USP25: variants seen among roughly 807,000 people sequenced by gnomAD.
The protein encoded by USP25 is ubiquitin specific peptidase 25.
In USP25, 85 loss-of-function variants were observed where a neutral mutation model predicts 158.5. That is an observed-to-expected ratio of 0.54 (90% CI 0.45 to 0.64). USP25 has a LOEUF of 0.64. Ranked by LOEUF, USP25 falls within the 30% of genes least tolerant of loss-of-function variation. The probability of loss-of-function intolerance (pLI) is 0.00; values close to 1 mark genes in which losing one functional copy is unlikely to be tolerated. For missense variants in USP25, 1,242 were observed against 1,327.3 expected (o/e 0.94, Z 1.00); for synonymous variants, 464 against 460.4 (o/e 1.01, Z -0.10).
At chr21:15,871,692 A>G (rs1326678408) in intron 23 of USP25, among the ~76,000 whole-genome samples, 1 of 152,198 alleles carries the variant, frequency 6.6e-6, no homozygotes. Context: ...TAACTTGGAA[A>G]TATGTTTAAA....
intron 4 of USP25, among the ~76,000 whole-genome samples, chr21:15,791,021 A>G (rs2035561126): frequency 6.6e-6 from 1 of 151,928 alleles, no homozygotes; most frequent in African/African-American, 2.4e-5. Context: ...ATTGAAAGGA[A>G]TCATAAAGTT....
At chr21:15,798,656 A>G (rs1039775553) in intron 5 of USP25, among the ~76,000 whole-genome samples, 2 of 151,380 alleles carry the variant, frequency 1.3e-5, no homozygotes, top group Non-Finnish European at 3.0e-5. Flanking sequence ...GAATGAATAG[A>G]TGATTTATTT....
intron 3 of USP25, among the ~76,000 whole-genome samples, chr21:15,767,602 G>T (rs568209450): frequency 6.6e-6 from 1 of 152,008 alleles, no homozygotes; most frequent in East Asian, 1.9e-4. Context: ...TGGTATAAAG[G>T]TCAGAAAAAT....
chr21:15,746,734 T>C (rs2032590817), intron 1 of USP25, among the ~76,000 whole-genome samples: 1 of 152,234 alleles, frequency 6.6e-6, no homozygotes, highest in African/African-American at 2.4e-5. Flanking sequence ...TTTTTGCTGG[T>C]ATATAGAATG....
intron 2 of USP25, among the ~76,000 whole-genome samples, chr21:15,764,650 A>C (rs2033929038): frequency 6.6e-6 from 1 of 152,174 alleles, no homozygotes; most frequent in African/African-American, 2.4e-5. Context: ...GTAATATATG[A>C]AAAACACTTA....
intron 3 of USP25, among the ~76,000 whole-genome samples, chr21:15,772,533 T>C (rs1439836463): frequency 6.6e-6 from 1 of 152,206 alleles, no homozygotes; most frequent in East Asian, 1.9e-4. Context: ...TATGAGAATA[T>C]TAATAATGCT....
At chr21:15,813,489 C>G (rs973977660) in intron 9 of USP25, among the ~76,000 whole-genome samples, 4 of 152,184 alleles carry the variant, frequency 2.6e-5, no homozygotes, top group African/African-American at 9.7e-5. Context: ...TTTACCTGCT[C>G]CTACATATAA....
rs2037504820 is a variant in USP25 at position 15,826,395 on chromosome 21, T to C, written c.1466+30T>C. 1.2e-6 allele frequency: 2 copies of C among 1,610,572 alleles called. No individual in the cohort carries two copies. Among genetic ancestry groups the C allele is most frequent in the Non-Finnish European group, 1.7e-6 (2 of 1,177,740 alleles). ...AAAGTAATCCTGATGCAAGAGACAGTTGTTACCTTTATTACACAATAATGT... is the reference window on the plus strand; with the variant it reads ...AAAGTAATCCTGATGCAAGAGACAGCTGTTACCTTTATTACACAATAATGT... On this transcript the variant is annotated intron_variant, in intron 13 of 25. Transcript: ENST00000400183. This position sits in a 1 kb window ranked among gnomAD's most constrained non-coding sequence, Gnocchi z 4.8.
In USP25 at chr21:15,826,914, A is replaced by G. The variant is rs1448039086; in HGVS notation, c.1467-63A>G. 1 of 1,561,458 alleles carries G rather than the reference A, an allele frequency of 6.4e-7. No homozygotes were observed. ...GCCAATTTAATACTGTGGGTTTGGC[A>G]CGATCTTTGTCAAGAGTTTCAGCTT... On this transcript the variant is annotated intron_variant, in intron 13 of 25. Coordinates refer to ENST00000400183, the MANE Select transcript of USP25 (RefSeq NM_001283041.3). The surrounding 1 kb of genome is among the most constrained non-coding windows in gnomAD (Gnocchi z 4.8).
At chr21:15,812,325 T>C (rs2036707947) in intron 9 of USP25, among the ~76,000 whole-genome samples, 2 of 152,122 alleles carry the variant, frequency 1.3e-5, no homozygotes, top group Admixed American at 1.3e-4. Flanking sequence ...CTGTATTATA[T>C]TGATTCCTAA....
At chr21:15,734,490 TCTTTC>T (rs2031287894) in intron 1 of USP25, among the ~76,000 whole-genome samples, 1 of 152,166 alleles carries the variant, frequency 6.6e-6, no homozygotes, top group Admixed American at 6.5e-5. Flanking sequence ...CTTTTCTTAT[TCTTTC>T]CTTTTCACAC....
intron 1 of USP25, among the ~76,000 whole-genome samples, chr21:15,730,679 A>G (rs181840560): frequency 1.2e-4 from 18 of 152,356 alleles, no homozygotes; most frequent in Admixed American, 6.5e-4. Flanking sequence ...CCCGTAGCAG[A>G]CGGTGCCAGG....
rs1025217782 is a variant in USP25 at position 15,766,918 on chromosome 21, C to T, written c.268+777C>T. ...GACATTCTCAAAGTTAGGAAGCAAC[C>T]AGAAAAGAGTTCGTTTACATAGATG... On this transcript the variant is annotated intron_variant, in intron 3 of 25. Transcript: ENST00000400183. The surrounding 1 kb of genome is among the most constrained non-coding windows in gnomAD (Gnocchi z 4.0). Among the ~76,000 whole-genome samples, 1 of 151,874 alleles carries T rather than the reference C, an allele frequency of 6.6e-6. No homozygotes were observed. The highest frequency in any genetic ancestry group is 2.4e-5 in the African/African-American group (1 of 41,378).
intron 18 of USP25, among the ~76,000 whole-genome samples, chr21:15,847,190 A>G (rs2038662135): frequency 6.6e-6 from 1 of 152,196 alleles, no homozygotes; most frequent in South Asian, 2.1e-4. Flanking sequence ...AGAGGAGGTC[A>G]TATCTTATTT....
At chr21:15,853,488 C>T (rs2038989795) in intron 20 of USP25, among the ~76,000 whole-genome samples, 1 of 152,106 alleles carries the variant, frequency 6.6e-6, no homozygotes, top group Non-Finnish European at 1.5e-5. Context: ...GTTTAGAGTA[C>T]TTTTTCTTAA....
intron 4 of USP25, among the ~76,000 whole-genome samples, chr21:15,782,172 C>T (rs2035003105): frequency 6.6e-6 from 1 of 152,236 alleles, no homozygotes; most frequent in African/African-American, 2.4e-5. Context: ...ATGCGGCCAC[C>T]AGGCTAGTGT....
intron 17 of USP25, among the ~76,000 whole-genome samples, chr21:15,835,522 T>C (rs1275428220): frequency 6.6e-6 from 1 of 152,150 alleles, no homozygotes; most frequent in East Asian, 1.9e-4. Flanking sequence ...ACACTTTACA[T>C]GGTGTTTTGT....
At chr21:15,878,037 A>G (rs780626784) in intron 25 of USP25, 46 bp downstream of exon 25, 2 of 1,465,204 alleles carry the variant, frequency 1.4e-6, no homozygotes, top group Non-Finnish European at 9.3e-7. Context: ...TCCGGATTAA[A>G]TGCAGTTAGA....
chr21:15,813,556 C>T (rs2036781617), intron 9 of USP25, among the ~76,000 whole-genome samples: 1 of 151,914 alleles, frequency 6.6e-6, no homozygotes. Context: ...GCTCAGAATT[C>T]CCTCCCTTCA....
Sources: allele counts gnomAD v4.1 joint callset (sites outside exome capture counted in the v4.1 genomes callset), GRCh38; gene constraint gnomAD v4.1.1; non-coding constraint Gnocchi (gnomAD v3.1); transcripts MANE v1.5; gene names NCBI Gene and HGNC (gene_info 2026-07-23, HGNC 2026-07-21).